OLFM3: variants seen among roughly 807,000 people sequenced by gnomAD.
The protein encoded by OLFM3 is noelin-3.
A neutral mutation model predicts 48.6 loss-of-function variants in OLFM3; 20 were observed. The ratio of observed to expected loss-of-function variants is 0.41; its 90% CI spans 0.29 to 0.60. OLFM3 has a LOEUF of 0.60. OLFM3 is among the 20% of genes least tolerant of loss of function. The pLI, the probability that OLFM3 is intolerant of heterozygous loss-of-function variation, is 0.28. For synonymous variants in OLFM3, 222 were observed against 198.1 expected (o/e 1.12, Z -1.01); for missense variants, 437 against 544.3 (o/e 0.80, Z 1.96).
chr1:101,823,031 G>T (rs1646995679), intron 4 of OLFM3, among the ~76,000 whole-genome samples: 1 of 151,966 alleles, frequency 6.6e-6, no homozygotes, highest in African/African-American at 2.4e-5. Flanking sequence ...ACTTGAAATA[G>T]GTAATATGGT....
chr1:101,830,936 A>T, intron 2 of OLFM3, 109 bp from the exon 3 acceptor site: 1 of 860,296 alleles, frequency 1.2e-6, no homozygotes, highest in South Asian at 1.7e-5. Flanking sequence ...TGCCAAATTC[A>T]TAACTGGGTT....
intron 1 of OLFM3, among the ~76,000 whole-genome samples, chr1:101,952,215 C>T (rs1379120442): frequency 1.3e-5 from 2 of 152,064 alleles, no homozygotes; most frequent in Admixed American, 1.3e-4. Flanking sequence ...AGTATAATTT[C>T]TTATTTTCTC....
At chr1:101,837,087 G>T in intron 1 of OLFM3, 62 bp from the exon 2 acceptor site, 1 of 1,487,934 alleles carries the variant, frequency 6.7e-7, no homozygotes, top group South Asian at 1.2e-5. Context: ...AAGAGTGTTG[G>T]TTTGTAGCAT....
intron 1 of OLFM3, among the ~76,000 whole-genome samples, chr1:101,953,716 G>A (rs1418785177): frequency 6.6e-6 from 1 of 152,050 alleles, no homozygotes; most frequent in Non-Finnish European, 1.5e-5. Context: ...CTAGCTTTGG[G>A]CAAAAAATAA....
At chr1:101,975,420 A>G (rs1300058168) in intron 1 of OLFM3, among the ~76,000 whole-genome samples, 1 of 152,244 alleles carries the variant, frequency 6.6e-6, no homozygotes, top group Non-Finnish European at 1.5e-5. Context: ...ACATTAAAAC[A>G]AAGGTTTTCA....
At chr1:101,967,194 GCTT>G (rs763837613) in intron 1 of OLFM3, among the ~76,000 whole-genome samples, 8 of 151,948 alleles carry the variant, frequency 5.3e-5, no homozygotes, top group Non-Finnish European at 7.4e-5. Flanking sequence ...AGTAATTTGG[GCTT>G]CTTGTTTATA....
chr1:101,954,562 C>T (rs1660233172), intron 1 of OLFM3, among the ~76,000 whole-genome samples: 1 of 152,132 alleles, frequency 6.6e-6, no homozygotes, highest in East Asian at 1.9e-4. Context: ...GAGGTGTACT[C>T]ACCTTGAGTG....
chr1:101,849,548 T>A (rs1028590905), intron 1 of OLFM3, among the ~76,000 whole-genome samples: 3 of 152,244 alleles, frequency 2.0e-5, no homozygotes, highest in African/African-American at 7.2e-5. Flanking sequence ...ATTAGTTTTA[T>A]GTTGTGAATC....
intron 1 of OLFM3, among the ~76,000 whole-genome samples, chr1:101,897,032 G>T (rs11164327): frequency 6.6e-6 from 1 of 152,138 alleles, no homozygotes; most frequent in African/African-American, 2.4e-5. Flanking sequence ...GAACCTTCCA[G>T]AATGTATTCA....
At chr1:101,955,886 C>T (rs925170259) in intron 1 of OLFM3, among the ~76,000 whole-genome samples, 4 of 151,780 alleles carry the variant, frequency 2.6e-5, no homozygotes, top group Non-Finnish European at 1.5e-5. Flanking sequence ...TTTCCCTTTA[C>T]CACCACCTCC....
chr1:101,873,405 G>A (rs2211296), intron 1 of OLFM3, among the ~76,000 whole-genome samples: 77,140 of 151,508 alleles, frequency 0.51, 20,063 homozygotes, highest in Non-Finnish European at 0.56. Flanking sequence ...ATAAAATGAT[G>A]GGCTAATAAA....
At chr1:101,824,452 C>T (rs1570523773) in intron 4 of OLFM3, among the ~76,000 whole-genome samples, 1 of 152,136 alleles carries the variant, frequency 6.6e-6, no homozygotes, top group East Asian at 1.9e-4. Context: ...ATGTCACATG[C>T]TTGACTCTTT....
At chr1:101,946,446 C>G (rs1659967336) in intron 1 of OLFM3, among the ~76,000 whole-genome samples, 1 of 152,156 alleles carries the variant, frequency 6.6e-6, no homozygotes. Context: ...TTTAAATAAA[C>G]AGGCAAGCAA....
intron 1 of OLFM3, among the ~76,000 whole-genome samples, chr1:101,936,438 C>T (rs1280981014): frequency 6.6e-6 from 1 of 152,060 alleles, no homozygotes; most frequent in Admixed American, 6.6e-5. Context: ...ATGAGAATTA[C>T]AAAGCCCTGC....
chr1:101,960,059 C>A (rs1660421850), intron 1 of OLFM3, among the ~76,000 whole-genome samples: 1 of 152,012 alleles, frequency 6.6e-6, no homozygotes, highest in Admixed American at 6.6e-5. Flanking sequence ...ACCCTGTATT[C>A]TGCAAAACTA....
intron 1 of OLFM3, chr1:101,882,648 A>C (rs185602285): frequency 2.0e-5 from 3 of 151,962 alleles, no homozygotes; most frequent in African/African-American, 2.4e-5. Context: ...GATGGTTGCT[A>C]TAAGTTTGAC....
At chr1:101,841,772 G>C (rs1324743607) in intron 1 of OLFM3, among the ~76,000 whole-genome samples, 1 of 152,150 alleles carries the variant, frequency 6.6e-6, no homozygotes, top group East Asian at 1.9e-4. Context: ...GTATTATCCT[G>C]ATTTTCTGGG....
intron 1 of OLFM3, among the ~76,000 whole-genome samples, chr1:101,977,086 A>G (rs1488436652): frequency 6.6e-6 from 1 of 152,194 alleles, no homozygotes; most frequent in African/African-American, 2.4e-5. Flanking sequence ...TCTCAGTAGT[A>G]GTTATACAAA....
At chr1:101,926,034 A>C (rs1441743393) in intron 1 of OLFM3, among the ~76,000 whole-genome samples, 1 of 152,198 alleles carries the variant, frequency 6.6e-6, no homozygotes, top group Non-Finnish European at 1.5e-5. Flanking sequence ...ATAATCAAGG[A>C]AAGTGACAAA....
Sources: allele counts gnomAD v4.1 joint callset (sites outside exome capture counted in the v4.1 genomes callset), GRCh38; gene constraint gnomAD v4.1.1; transcripts MANE v1.5; gene names NCBI Gene and HGNC (gene_info 2026-07-23, HGNC 2026-07-21).